OLFM1: variants seen among roughly 807,000 people sequenced by gnomAD.
The protein encoded by OLFM1 is olfactomedin 1, also known as noelin.
Under a neutral mutation model 49.7 loss-of-function variants are expected in OLFM1, and 9 were observed. The observed-to-expected ratio is 0.18, with a 90% CI of 0.11 to 0.32. The LOEUF is 0.32. OLFM1 is among the 10% of genes least tolerant of loss of function. OLFM1 has a pLI of 1.00. For missense variants in OLFM1, 369 were observed against 661.8 expected (o/e 0.56, Z 4.85); for synonymous variants, 240 against 271.8 (o/e 0.88, Z 1.15).
chr9:135,118,509 TGGGTCTTTGGAATGCTC>T (rs1831130560), intron 5 of OLFM1, among the ~76,000 whole-genome samples: 1 of 145,404 alleles, frequency 6.9e-6, no homozygotes, highest in Admixed American at 6.8e-5. Context: ...GAGTGCTCGC[TGGGTCTTTGGAATGCTC>T]GCTGGGTCTT....
chr9:135,101,319 T>C (rs1436289050), intron 4 of OLFM1, among the ~76,000 whole-genome samples: 1 of 152,140 alleles, frequency 6.6e-6, no homozygotes, highest in Non-Finnish European at 1.5e-5. Flanking sequence ...GCAGGTTCCA[T>C]GGTCTAGTGA....
intron 3 of OLFM1, among the ~76,000 whole-genome samples, chr9:135,097,173 T>A (rs980095665): frequency 1.3e-5 from 2 of 152,222 alleles, no homozygotes; most frequent in Non-Finnish European, 2.9e-5. Flanking sequence ...AGGCAAGAAC[T>A]AATTCTCTTT....
At chr9:135,101,987 A>G (rs1830876692) in intron 4 of OLFM1, among the ~76,000 whole-genome samples, 1 of 152,216 alleles carries the variant, frequency 6.6e-6, no homozygotes, top group Non-Finnish European at 1.5e-5. Flanking sequence ...CCAGACACCC[A>G]TAAGCACAGA....
chr9:135,094,936 T>A (rs1588210476), intron 2 of OLFM1: 1 of 152,158 alleles, frequency 6.6e-6, no homozygotes, highest in African/African-American at 2.4e-5. Context: ...TGGATTAGAT[T>A]CTGAGAAAAT....
chr9:135,107,938 C>T (rs142552435), intron 5 of OLFM1, among the ~76,000 whole-genome samples: 4 of 152,178 alleles, frequency 2.6e-5, no homozygotes, highest in African/African-American at 4.8e-5. Context: ...AAAACATGGG[C>T]GGTACGGCCT....
intron 5 of OLFM1, among the ~76,000 whole-genome samples, chr9:135,108,569 G>T (rs1189869077): frequency 4.0e-5 from 6 of 151,784 alleles, no homozygotes; most frequent in Non-Finnish European, 8.8e-5. Context: ...GGAGGCAGAG[G>T]TTGCAGTGAG....
chr9:135,119,491 G>C lies in OLFM1; in HGVS notation c.784-13G>C, dbSNP rs1274821816. On this transcript the variant is annotated splice_polypyrimidine_tract_variant and intron_variant, in intron 5 of 5. Transcript: ENST00000371793. ...TTTGGAAGTGCTCACCACCGGGTCTGCTCTCTCCACAGGTGTGGTACATGG... is the reference window on the plus strand; with the variant it reads ...TTTGGAAGTGCTCACCACCGGGTCTCCTCTCTCCACAGGTGTGGTACATGG... 4.4e-6 allele frequency: 7 copies of C among 1,587,320 alleles called. No homozygotes were observed. Among genetic ancestry groups the C allele is most frequent in the Non-Finnish European group, 6.0e-6 (7 of 1,165,716 alleles).
chr9:135,110,754 C>A (rs1310667063), intron 5 of OLFM1, among the ~76,000 whole-genome samples: 1 of 152,192 alleles, frequency 6.6e-6, no homozygotes, highest in East Asian at 1.9e-4. Flanking sequence ...GCCAGCATCC[C>A]CCCCACCTCT....
At chr9:135,082,925 T>A (rs1830550673), upstream of OLFM1, among the ~76,000 whole-genome samples, 1 of 152,148 alleles carries the variant, frequency 6.6e-6, no homozygotes, top group African/African-American at 2.4e-5. Flanking sequence ...GTCGTCTGGA[T>A]GCAAAGAACT....
chr9:135,114,114 C>G (rs1390796526), intron 5 of OLFM1, among the ~76,000 whole-genome samples: 1 of 131,228 alleles, frequency 7.6e-6, no homozygotes, highest in African/African-American at 2.9e-5. Context: ...ACCAGCTCAT[C>G]TTGAGATTCT....
Position 135,088,231 on chromosome 9 carries a change from C to T in OLFM1, c.150+92C>T. On this transcript the variant is annotated intron_variant, in intron 1 of 5. Transcript: ENST00000371793. The surrounding 1 kb of genome is among the most constrained non-coding windows in gnomAD (Gnocchi z 4.8). ...GGAGCCCCGGGCTGGGCGGGCGCCG[C>T]GCGGGACCCGAGTCGCCCAGGGAGG... 3.5e-6 allele frequency: 4 copies of T among 1,150,118 alleles called. No individual in the cohort carries two copies. Among genetic ancestry groups the T allele is most frequent in the Non-Finnish European group, 4.4e-6 (4 of 918,944 alleles). 71.2% of individuals were successfully genotyped at this position (1,150,118 alleles called of 1,614,324 possible).
intron 4 of OLFM1, among the ~76,000 whole-genome samples, chr9:135,104,573 C>G (rs1830913477): frequency 6.6e-6 from 1 of 152,072 alleles, no homozygotes; most frequent in South Asian, 2.1e-4. Context: ...CTCCTCTAGG[C>G]TTCTCCTTCC....
intron 1 of OLFM1, among the ~76,000 whole-genome samples, chr9:135,081,948 G>A (rs959340060): frequency 1.3e-5 from 2 of 152,270 alleles, no homozygotes; most frequent in African/African-American, 2.4e-5. Context: ...GAGAGAATCC[G>A]CTGCGTTCGA....
chr9:135,120,172 G>C lies in OLFM1; in HGVS notation c.1452G>C (p.Glu484Asp), dbSNP rs753937352. Residue 484 changes from glutamate to aspartate, a missense_variant, in exon 6 of 6, where the codon GAG (glutamate) becomes GAC (aspartate). By Grantham distance (45) the Glu-to-Asp change is conservative. Transcript: ENST00000371793. ...VTLFHVIRSDEL is the reference protein window; with the variant it reads ...VTLFHVIRSDDL ...TCTTCCACGTCATCCGCTCCGACGA[G>C]TTGTAGCTCCCTCCTCCTGGAAGCC... The C allele has an allele frequency of 6.2e-7, 1 of 1,605,978 alleles. No individual in the cohort carries two copies. The highest frequency in any genetic ancestry group is 1.1e-5 in the South Asian group (1 of 89,726).
intron 2 of OLFM1, among the ~76,000 whole-genome samples, chr9:135,091,599 TCACA>T (rs1564270567): frequency 3.9e-5 from 3 of 77,214 alleles, no homozygotes; most frequent in Non-Finnish European, 7.9e-5. Flanking sequence ...AGTCACACAC[TCACA>T]CATAGTCACA....
chr9:135,090,064 G>C, intron 1 of OLFM1, 131 bp from the exon 2 acceptor site: 1 of 847,578 alleles, frequency 1.2e-6, no homozygotes, highest in Non-Finnish European at 1.8e-6. Context: ...AACATGTCTT[G>C]GGACCATTTC....
chr9:135,083,935 G>A (rs778124517), upstream of OLFM1, among the ~76,000 whole-genome samples: 2 of 152,266 alleles, frequency 1.3e-5, no homozygotes, highest in Non-Finnish European at 2.9e-5. Context: ...GTGTTTGGGA[G>A]ACTGTCAGCT....
At chr9:135,115,083 G>A (rs1233156917) in intron 5 of OLFM1, among the ~76,000 whole-genome samples, 1 of 152,194 alleles carries the variant, frequency 6.6e-6, no homozygotes, top group Non-Finnish European at 1.5e-5. Flanking sequence ...GACACACACA[G>A]ATCCTTTCCT....
At chr9:135,109,765 C>T (rs943133522) in intron 5 of OLFM1, among the ~76,000 whole-genome samples, 1 of 152,026 alleles carries the variant, frequency 6.6e-6, no homozygotes, top group African/African-American at 2.4e-5. Context: ...CAGGCTGCCA[C>T]GGAGGGCATT....
Sources: allele counts gnomAD v4.1 joint callset (sites outside exome capture counted in the v4.1 genomes callset), GRCh38; gene constraint gnomAD v4.1.1; non-coding constraint Gnocchi (gnomAD v3.1); transcripts MANE v1.5; gene names NCBI Gene and HGNC (gene_info 2026-07-23, HGNC 2026-07-21).